Variants in FAM149A observed in about 807,000 individuals in gnomAD.
FAM149A encodes family with sequence similarity 149 member A, also known as protein FAM149A.
A neutral mutation model predicts 78.2 loss-of-function variants in FAM149A; 71 were observed. The ratio of observed to expected loss-of-function variants is 0.91; its 90% CI spans 0.75 to 1.11. The LOEUF (loss-of-function observed/expected upper bound fraction) is 1.11. FAM149A is among the 50% of genes least tolerant of loss of function. The probability of loss-of-function intolerance (pLI) is 0.00; values close to 1 mark genes in which losing one functional copy is unlikely to be tolerated. For synonymous variants in FAM149A, 446 were observed against 410.5 expected (o/e 1.09, Z -1.04); for missense variants, 1,036 against 971.0 (o/e 1.07, Z -0.89).
chr4:186,157,392 C>G (rs1007397181), intron 7 of FAM149A, among the ~76,000 whole-genome samples, 173 bp from the exon 8 acceptor site: 1 of 152,204 alleles, frequency 6.6e-6, no homozygotes, highest in African/African-American at 2.4e-5. Context: ...AACCACAGTT[C>G]CAGCAGCCAG....
intron 1 of FAM149A, among the ~76,000 whole-genome samples, chr4:186,139,238 A>G (rs896147410): frequency 7.9e-5 from 12 of 152,060 alleles, no homozygotes; most frequent in Non-Finnish European, 4.4e-5. Flanking sequence ...TGCTCCAGGT[A>G]CATTTTATAT....
intron 1 of FAM149A, chr4:186,145,086 C>T: frequency 1.0e-6 from 1 of 985,484 alleles, no homozygotes; most frequent in South Asian, 4.7e-5. Context: ...GGGCTGCGAG[C>T]ACAGGCCCGG....
intron 13 of FAM149A, among the ~76,000 whole-genome samples, chr4:186,168,992 C>T (rs1030927503): frequency 1.3e-5 from 2 of 152,016 alleles, no homozygotes; most frequent in African/African-American, 4.8e-5. Flanking sequence ...TGGCCAGCGG[C>T]GGGTGGTGCT....
Position 186,105,641 on chromosome 4 carries a change from G to T in FAM149A, c.565G>T (p.Ala189Ser), listed in dbSNP as rs2099308428. Residue 189 changes from alanine (A) to serine (S), a missense_variant and splice_region_variant, in exon 1 of 14, where the codon GCA becomes TCA. Coordinates refer to ENST00000389354, the MANE Select transcript of FAM149A (RefSeq NM_001367768.3). ...GGACGGCGACTCCGGGGATGGCGAAGCGTGAGTAGCAGCGTGGTCCGGGCG... is the reference window on the plus strand; with the variant it reads ...GGACGGCGACTCCGGGGATGGCGAATCGTGAGTAGCAGCGTGGTCCGGGCG... 9.4e-7 allele frequency: 1 copy of T among 1,064,406 alleles called. No individual in the cohort carries two copies. Among genetic ancestry groups the T allele is most frequent in the Non-Finnish European group, 1.1e-6 (1 of 874,912 alleles). 65.9% of individuals were successfully genotyped at this position (1,064,406 alleles called of 1,614,324 possible).
At chr4:186,151,710 C>T (rs1308858633) in intron 3 of FAM149A, 193 bp from the exon 4 acceptor site, 21 of 985,020 alleles carry the variant, frequency 2.1e-5, no homozygotes, top group Non-Finnish European at 2.3e-5. Flanking sequence ...ATCCGAGGCT[C>T]AGAATGAGAT....
intron 1 of FAM149A, among the ~76,000 whole-genome samples, chr4:186,130,990 G>T (rs1191076081): frequency 6.6e-6 from 1 of 152,114 alleles, no homozygotes; most frequent in Non-Finnish European, 1.5e-5. Flanking sequence ...TTGGTATTTG[G>T]GGAGTAACTA....
intron 1 of FAM149A, among the ~76,000 whole-genome samples, chr4:186,113,881 G>A (rs905197162): frequency 6.6e-6 from 1 of 152,212 alleles, no homozygotes; most frequent in Non-Finnish European, 1.5e-5. Flanking sequence ...TTGATTTGGG[G>A]TGGAGAGTTC....
Position 186,164,499 on chromosome 4 carries a change from T to G in FAM149A, c.1890-845T>G. The G allele has an allele frequency of 1.0e-6, 1 of 985,122 alleles. No homozygotes were observed. The highest frequency in any genetic ancestry group is 1.2e-6 in the Non-Finnish European group (1 of 829,670). 61.0% of individuals were successfully genotyped at this position (985,122 alleles called of 1,614,324 possible). A position where few individuals can be genotyped will look rare whatever the true frequency, so the allele number is the denominator to read the frequency against. On this transcript the variant is annotated intron_variant, in intron 10 of 13. Coordinates refer to ENST00000389354, the MANE Select transcript of FAM149A (RefSeq NM_001367768.3). This position sits in a 1 kb window ranked among gnomAD's most constrained non-coding sequence, Gnocchi z 4.0. ...GCACCCAGACTTTTTCCAGATGCAG[T>G]CATAACCCCCCTTTCAGCTTTTTAA...
chr4:186,139,545 C>T lies in FAM149A; in HGVS notation c.567-9628C>T, dbSNP rs188074148. On this transcript the variant is annotated intron_variant, in intron 1 of 13. Transcript: ENST00000389354. Reference sequence around the variant, plus strand: ...CATCTAGGAAGCATGGAGCCGGCACCAGACACTGAATCTGCTACCACCTTG... The same window carrying T: ...CATCTAGGAAGCATGGAGCCGGCACTAGACACTGAATCTGCTACCACCTTG... 3.2e-3 allele frequency among the ~76,000 whole-genome samples: 483 copies of T among 152,286 alleles called. 3 individuals are homozygous for T. The highest frequency in any genetic ancestry group is 7.1e-3 in the East Asian group (37 of 5,180).
chr4:186,126,688 CT>C (rs1165967427), intron 1 of FAM149A, among the ~76,000 whole-genome samples: 1 of 152,120 alleles, frequency 6.6e-6, no homozygotes, highest in African/African-American at 2.4e-5. Context: ...ATTGACCCCC[CT>C]GGTTCTCAGA....
intron 8 of FAM149A, among the ~76,000 whole-genome samples, chr4:186,159,228 A>G (rs1333495760): frequency 6.6e-6 from 1 of 152,018 alleles, no homozygotes; most frequent in African/African-American, 2.4e-5. Flanking sequence ...CAGGTGCAAT[A>G]CATTCTGTGA....
At chr4:186,130,293 C>CTCTCTCTATATATA in intron 1 of FAM149A, 131 of 46,558 alleles carry the variant, frequency 2.8e-3, no homozygotes, top group Admixed American at 7.5e-3. Context: ...CTCTCTCTCT[C>CTCTCTCTATATATA]TATATATATA....
intron 1 of FAM149A, among the ~76,000 whole-genome samples, chr4:186,124,812 A>G (rs1180959035): frequency 2.0e-5 from 3 of 152,074 alleles, no homozygotes; most frequent in Admixed American, 6.6e-5. Context: ...TGGTATTTCT[A>G]GTTCTAGATC....
intron 8 of FAM149A, chr4:186,160,768 C>A: frequency 2.1e-6 from 2 of 951,070 alleles, no homozygotes; most frequent in Non-Finnish European, 2.5e-6. Context: ...ACACACACCA[C>A]ATCACACCAC....
intron 1 of FAM149A, among the ~76,000 whole-genome samples, chr4:186,141,498 C>G (rs2099325769): frequency 6.6e-6 from 1 of 152,112 alleles, no homozygotes; most frequent in African/African-American, 2.4e-5. Flanking sequence ...GTGGTCTAAA[C>G]CAATCCAACG....
intron 1 of FAM149A, among the ~76,000 whole-genome samples, chr4:186,135,877 C>T (rs945561006): frequency 2.0e-5 from 3 of 152,180 alleles, no homozygotes; most frequent in Non-Finnish European, 2.9e-5. Flanking sequence ...CTTGTGTGAC[C>T]GCAGCGGGGA....
intron 1 of FAM149A, among the ~76,000 whole-genome samples, chr4:186,131,117 G>A (rs2099320581): frequency 6.6e-6 from 1 of 152,182 alleles, no homozygotes; most frequent in African/African-American, 2.4e-5. Flanking sequence ...GGAGACTGAG[G>A]TGGGTGGATC....
chr4:186,158,819 G>A (rs994056535), intron 8 of FAM149A: 28 of 1,005,322 alleles, frequency 2.8e-5, no homozygotes, highest in Non-Finnish European at 3.3e-5. Context: ...GCCCCTGAAT[G>A]AGGAGGATCA....
chr4:186,164,327 G>A lies in FAM149A; in HGVS notation c.1889+694G>A, dbSNP rs1734843837. ...GATGAGGGAACAGGCTAAGCCTGCC[G>A]GAGATCATCCCCGCCAGGAAGAGGC... On this transcript the variant is annotated intron_variant, in intron 10 of 13. Coordinates refer to ENST00000389354, the MANE Select transcript of FAM149A (RefSeq NM_001367768.3). This position sits in a 1 kb window ranked among gnomAD's most constrained non-coding sequence, Gnocchi z 4.0. 2.6e-5 allele frequency: 6 copies of A among 234,478 alleles called. No individual in the cohort carries two copies. The highest frequency in any genetic ancestry group is 3.0e-4 in the South Asian group (2 of 6,564). The allele number at this position is 234,478 out of a possible 1,614,324, so 14.5% of individuals were successfully genotyped here.
Sources: allele counts gnomAD v4.1 joint callset (sites outside exome capture counted in the v4.1 genomes callset), GRCh38; gene constraint gnomAD v4.1.1; non-coding constraint Gnocchi (gnomAD v3.1); transcripts MANE v1.5; gene names NCBI Gene and HGNC (gene_info 2026-07-23, HGNC 2026-07-21).